PKHD1: variants seen among roughly 807,000 people sequenced by gnomAD.
The protein encoded by PKHD1 is PKHD1 ciliary IPT domain containing fibrocystin/polyductin.
PKHD1 carries 291 observed loss-of-function variants against 412.0 expected under a neutral mutation model. The ratio of observed to expected loss-of-function variants is 0.71; its 90% CI spans 0.64 to 0.78. The LOEUF is 0.78. PKHD1 is among the 30% of genes least tolerant of loss of function. The pLI, the probability that PKHD1 is intolerant of heterozygous loss-of-function variation, is 0.00. For synonymous variants in PKHD1, 1,777 were observed against 1,821.5 expected, an observed-to-expected ratio of 0.98 and a Z score of 0.62; for missense variants, 4,825 against 4,950.7, an observed-to-expected ratio of 0.97 and a Z score of 0.76.
At chr6:51,758,626 C>CT (rs1012758671) in intron 55 of PKHD1, among the ~76,000 whole-genome samples, 1 of 152,040 alleles carries the variant, frequency 6.6e-6, no homozygotes. Flanking sequence ...AATTAAAAGA[C>CT]TTTTTTTCAA....
intron 48 of PKHD1, among the ~76,000 whole-genome samples, chr6:51,858,727 A>T (rs1408708852): frequency 3.3e-5 from 5 of 152,228 alleles, no homozygotes; most frequent in African/African-American, 9.6e-5. Flanking sequence ...TGCCTTTCAT[A>T]TAGTGGGAGT....
chr6:52,070,111 G>C (rs1472791711), intron 10 of PKHD1, among the ~76,000 whole-genome samples: 1 of 152,100 alleles, frequency 6.6e-6, no homozygotes, highest in African/African-American at 2.4e-5. Flanking sequence ...TTCCTTATAA[G>C]ATACTTGTGA....
At chr6:51,671,731 G>A (rs888692414) in intron 60 of PKHD1, among the ~76,000 whole-genome samples, 6 of 152,048 alleles carry the variant, frequency 3.9e-5, no homozygotes, top group African/African-American at 1.4e-4. Context: ...TTTTTGGTGT[G>A]GATGTCCTTT....
chr6:51,635,876 C>CGGGGGGGGGGGGGGGAGG, intron 64 of PKHD1, among the ~76,000 whole-genome samples: 1 of 41,506 alleles, frequency 2.4e-5, no homozygotes, highest in African/African-American at 8.5e-5. Flanking sequence ...GGCGGGGGGC[C>CGGGGGGGGGGGGGGGAGG]GGGGGCGGAT....
intron 33 of PKHD1, among the ~76,000 whole-genome samples, chr6:52,021,538 A>C (rs1043757336): frequency 4.6e-5 from 7 of 152,142 alleles, no homozygotes; most frequent in African/African-American, 1.7e-4. Flanking sequence ...CCAAGCACTA[A>C]TTTTGCACAT....
intron 53 of PKHD1, among the ~76,000 whole-genome samples, chr6:51,777,065 A>G (rs764191154): frequency 3.6e-4 from 54 of 152,110 alleles, no homozygotes; most frequent in Non-Finnish European, 6.6e-4. Flanking sequence ...TCCAAATCAG[A>G]CAGGTTAATA....
intron 60 of PKHD1, among the ~76,000 whole-genome samples, chr6:51,704,958 G>T (rs1779842624): frequency 6.6e-6 from 1 of 151,964 alleles, no homozygotes; most frequent in Non-Finnish European, 1.5e-5. Context: ...GGATTCAGAG[G>T]GAGAATATGA....
chr6:52,001,592 G>T (rs1209720590), intron 35 of PKHD1, among the ~76,000 whole-genome samples: 1 of 151,938 alleles, frequency 6.6e-6, no homozygotes, highest in Non-Finnish European at 1.5e-5. Context: ...ACCACACCCG[G>T]CTAATTTTTT....
chr6:52,016,121 C>T (rs545745310), intron 34 of PKHD1, among the ~76,000 whole-genome samples: 2 of 152,262 alleles, frequency 1.3e-5, no homozygotes, highest in East Asian at 3.9e-4. Context: ...GTACAATACC[C>T]AGCACTCCAT....
At chr6:51,977,359 A>G (rs1447825279) in intron 35 of PKHD1, among the ~76,000 whole-genome samples, 1 of 152,106 alleles carries the variant, frequency 6.6e-6, no homozygotes, top group African/African-American at 2.4e-5. Context: ...CAACCTGAAA[A>G]CTTACAGAAA....
At chr6:51,635,665 T>C (rs933698000) in intron 64 of PKHD1, among the ~76,000 whole-genome samples, 3 of 151,712 alleles carry the variant, frequency 2.0e-5, no homozygotes, top group Admixed American at 6.6e-5. Context: ...TAAGACACAG[T>C]GGCTGGAGGT....
At chr6:51,801,035 A>G (rs970034042) in intron 52 of PKHD1, among the ~76,000 whole-genome samples, 9 of 152,212 alleles carry the variant, frequency 5.9e-5, no homozygotes, top group African/African-American at 2.2e-4. Context: ...AGCTATTTGA[A>G]TCACTATTAA....
intron 13 of PKHD1, among the ~76,000 whole-genome samples, 161 bp from the exon 14 acceptor site, chr6:52,062,821 T>C (rs971056782): frequency 7.2e-5 from 11 of 152,214 alleles, no homozygotes; most frequent in Non-Finnish European, 1.2e-4. Flanking sequence ...GTTCTGTAGT[T>C]AATATGAAAT....
Position 52,058,535 on chromosome 6 carries a change from C to T in PKHD1, c.1300G>A (p.Glu434Lys). Residue 434 changes from glutamate to lysine, a missense_variant, in exon 16 of 67, where the codon GAA becomes AAA. Coordinates refer to ENST00000371117, the MANE Select transcript of PKHD1 (RefSeq NM_138694.4). ...GGAGTCTTCTGCTGCCAGGTCCCTT[C>T]ATCCCTATTCTGCTCCCAGGAGTCA... Reference protein sequence around the residue: ...WFDSWEQNRDEGTWQQKTPKL... With the variant: ...WFDSWEQNRDKGTWQQKTPKL... 1 of 1,614,194 alleles carries T rather than the reference C, an allele frequency of 6.2e-7. No homozygotes were observed. Among genetic ancestry groups the T allele is most frequent in the South Asian group, 1.1e-5 (1 of 91,080 alleles).
At chr6:51,720,882 C>G in intron 60 of PKHD1, 1 of 501,318 alleles carries the variant, frequency 2.0e-6, no homozygotes, top group Non-Finnish European at 2.6e-6. Flanking sequence ...TATTACAATA[C>G]TTGGCATACA....
intron 65 of PKHD1, among the ~76,000 whole-genome samples, chr6:51,629,660 A>G (rs79132667): frequency 6.6e-6 from 1 of 152,176 alleles, no homozygotes; most frequent in African/African-American, 2.4e-5. Context: ...AAAGAAAATT[A>G]AATTTTATTT....
At chr6:51,838,370 A>G (rs1186074086) in intron 50 of PKHD1, among the ~76,000 whole-genome samples, 1 of 152,180 alleles carries the variant, frequency 6.6e-6, no homozygotes, top group Non-Finnish European at 1.5e-5. Context: ...TTTCCACTAC[A>G]CTGCACCAAT....
intron 60 of PKHD1, among the ~76,000 whole-genome samples, chr6:51,741,600 T>C (rs1277451841): frequency 6.6e-6 from 1 of 152,158 alleles, no homozygotes; most frequent in Non-Finnish European, 1.5e-5. Context: ...GCTGGGATAA[T>C]TTGGGGTGCT....
chr6:52,058,300 T>C (rs1353479115), intron 16 of PKHD1, 23 bp downstream of exon 16: 2 of 1,613,214 alleles, frequency 1.2e-6, no homozygotes, highest in Non-Finnish European at 1.7e-6. Context: ...TTCAGCTCCA[T>C]GGGACTGGAA....
Sources: allele counts gnomAD v4.1 joint callset (sites outside exome capture counted in the v4.1 genomes callset), GRCh38; gene constraint gnomAD v4.1.1; transcripts MANE v1.5; gene names NCBI Gene and HGNC (gene_info 2026-07-23, HGNC 2026-07-21).